Variants in ANKRD11 observed in about 807,000 individuals in gnomAD.
The protein encoded by ANKRD11 is ankyrin repeat domain 11.
ANKRD11 carries 17 observed loss-of-function variants against 195.7 expected under a neutral mutation model. The observed-to-expected ratio is 0.09, with a 90% CI of 0.06 to 0.13. The LOEUF is 0.13. Among genes scored for constraint, ANKRD11 ranks in the 10% least tolerant of loss-of-function variants. The pLI, the probability that ANKRD11 is intolerant of heterozygous loss-of-function variation, is 1.00. For synonymous variants in ANKRD11, 1,953 were observed against 1,528.1 expected, an observed-to-expected ratio of 1.28 and a Z score of -6.49; for missense variants, 3,735 against 3,566.1, an observed-to-expected ratio of 1.05 and a Z score of -1.21.
intron 1 of ANKRD11, among the ~76,000 whole-genome samples, chr16:89,441,522 C>T (rs960081702): frequency 1.3e-5 from 2 of 152,038 alleles, no homozygotes; most frequent in African/African-American, 4.8e-5. Context: ...AATCCCAGCA[C>T]TTTGGGAGGC....
chr16:89,303,066 C>T (rs1160597433), intron 4 of ANKRD11, among the ~76,000 whole-genome samples: 2 of 152,228 alleles, frequency 1.3e-5, no homozygotes, highest in Admixed American at 6.5e-5. Context: ...ACGGCCACCA[C>T]AAAGAGACCT....
Position 89,291,848 on chromosome 16 carries a change from C to T in ANKRD11, c.227-665G>A, listed in dbSNP as rs1014511320. 56 of 1,085,392 alleles carry T rather than the reference C, an allele frequency of 5.2e-5. No homozygotes were observed. In the South Asian group the frequency reaches 5.3e-4, roughly 10 times the overall value. The allele number at this position is 1,085,392 out of a possible 1,614,324, so 67.2% of individuals were successfully genotyped here. ...TCGGCTGTTTCCACCTCAGCCTCCT[C>T]GTAACAAGCACACCCTGCACTCATC... On this transcript the variant is annotated intron_variant, in intron 4 of 12. Coordinates refer to ENST00000301030, the MANE Select transcript of ANKRD11 (RefSeq NM_013275.6). This position sits in a 1 kb window ranked among gnomAD's most constrained non-coding sequence, Gnocchi z 5.3.
chr16:89,355,433 G>A (rs559158191), intron 2 of ANKRD11, among the ~76,000 whole-genome samples: 1 of 152,308 alleles, frequency 6.6e-6, no homozygotes, highest in East Asian at 1.9e-4. Flanking sequence ...TCATCAGCCA[G>A]ACTGTTTGCC....
At position 89,291,301 on chromosome 16, in the gene ANKRD11, G is replaced by A; in HGVS notation, c.227-118C>T. On this transcript the variant is annotated intron_variant, in intron 4 of 12. Transcript: ENST00000301030. The surrounding 1 kb of genome is among the most constrained non-coding windows in gnomAD (Gnocchi z 5.3). ...CGTCCACCTGACAGCTGACAGAGCA[G>A]AAAGGAAGGTCTGTGTATGGGGAAA... 7.7e-7 allele frequency: 1 copy of A among 1,297,538 alleles called. No homozygotes were observed. The highest frequency in any genetic ancestry group is 1.9e-5 in the Admixed American group (1 of 51,660). 80.4% of individuals were successfully genotyped at this position (1,297,538 alleles called of 1,614,324 possible).
intron 2 of ANKRD11, 94 bp from the exon 3 acceptor site, chr16:89,317,172 A>G (rs2151919749): frequency 1.1e-6 from 1 of 895,838 alleles, no homozygotes; most frequent in African/African-American, 1.6e-5. Context: ...GTAACTAGTC[A>G]AGGCAGGCAG....
chr16:89,382,863 A>C (rs1003976150), intron 2 of ANKRD11, among the ~76,000 whole-genome samples: 6 of 151,848 alleles, frequency 4.0e-5, no homozygotes, highest in African/African-American at 1.5e-4. Flanking sequence ...TTTTTGAGAC[A>C]GAGTTTCACT....
At chr16:89,299,435 C>T (rs1391102072) in intron 4 of ANKRD11, 252 of 129,444 alleles carry the variant, frequency 1.9e-3, no homozygotes, top group East Asian at 0.018. Context: ...GTGTGGGATG[C>T]ATGGGGTCTG....
intron 2 of ANKRD11, among the ~76,000 whole-genome samples, chr16:89,411,962 C>T (rs2042126646): frequency 7.1e-6 from 1 of 139,962 alleles, no homozygotes; most frequent in African/African-American, 2.7e-5. Flanking sequence ...CCCCATCCCT[C>T]CCCTCAGCCA....
In ANKRD11 at chr16:89,280,820, G is replaced by C; in HGVS notation, c.5722C>G (p.Pro1908Ala). 1 of 1,602,850 alleles carries C rather than the reference G, an allele frequency of 6.2e-7. No individual in the cohort carries two copies. The highest frequency in any genetic ancestry group is 8.5e-7 in the Non-Finnish European group (1 of 1,171,502). The stretch of plus-strand genomic sequence containing the variant: ...TCCTCGGAGGTGTCCAGGTCCGGGG[G>C]AAGGGCCCCTTCGAGGGAAGGAACC... Reference protein sequence around the residue: ...LLVPSLEGALPPDLDTSEDQQ... With the variant: ...LLVPSLEGALAPDLDTSEDQQ... The change falls in exon 9 of 13, where the codon CCC (proline) becomes GCC (alanine). Residue 1908 changes from proline (P) to alanine (A), a missense_variant. Transcript: ENST00000301030.
Position 89,281,004 on chromosome 16 carries a change from C to T in ANKRD11, c.5538G>A (p.Leu1846=). The T allele has an allele frequency of 4.4e-6, 7 of 1,582,530 alleles. No homozygotes were observed. The highest frequency in any genetic ancestry group is 1.8e-5 in the Admixed American group (1 of 56,792). ...AGTCTGGGGAGTAGTACCCTGGCGA[C>T]AAGCAGGCAAACTTCTCCGCGGGAA... is the stretch of plus-strand genomic sequence containing the variant. The part of the protein sequence containing the change: ...PPVPAEKFAC[L]SPGYYSPDYG... Residue 1846 remains leucine, a synonymous_variant, in exon 9 of 13, where the codon TTG becomes TTA. Transcript: ENST00000301030. The surrounding 1 kb of genome is among the most constrained non-coding windows in gnomAD (Gnocchi z 5.5).
Position 89,359,970 on chromosome 16 carries a change from G to A in ANKRD11, c.-59-42892C>T, listed in dbSNP as rs376855964. 3.2e-4 allele frequency among the ~76,000 whole-genome samples: 49 copies of A among 151,250 alleles called. 1 individual carries two copies. Among genetic ancestry groups the A allele is most frequent in the African/African-American group, 1.1e-3 (47 of 41,164 alleles). ...AAGTAAACACATGTCGGCAGTGGGC[G>A]GGGGGGGAGGTTGTACGTGTTATTC... is the stretch of plus-strand genomic sequence containing the variant. On this transcript the variant is annotated intron_variant, in intron 2 of 12. Coordinates refer to ENST00000301030, the MANE Select transcript of ANKRD11 (RefSeq NM_013275.6).
At chr16:89,377,690 G>A (rs145442347) in intron 2 of ANKRD11, among the ~76,000 whole-genome samples, 18 of 152,208 alleles carry the variant, frequency 1.2e-4, no homozygotes, top group Non-Finnish European at 2.2e-4. Flanking sequence ...ACTCCCACCC[G>A]CTTTTAACTT....
Position 89,373,014 on chromosome 16 carries a change from G to C in ANKRD11, c.-60+45270C>G, listed in dbSNP as rs577730406. 3 of 152,324 alleles carry C rather than the reference G, an allele frequency of 2.0e-5. No homozygotes were observed. In the South Asian group the frequency reaches 6.2e-4, roughly 32 times the overall value. 9.4% of individuals were successfully genotyped at this position (152,324 alleles called of 1,614,324 possible). A position where few individuals can be genotyped will look rare whatever the true frequency, so the allele number is the denominator to read the frequency against. On this transcript the variant is annotated intron_variant, in intron 2 of 12. Transcript: ENST00000301030. ...AAGGCACAGCACCCACAGTACGTGC[G>C]TTCACTGCAAGGAAAGAATCTTCCA...
chr16:89,318,119 G>A (rs998833089), intron 2 of ANKRD11, among the ~76,000 whole-genome samples: 2 of 152,232 alleles, frequency 1.3e-5, no homozygotes, highest in African/African-American at 2.4e-5. Context: ...CCCCCGTGGT[G>A]TGAGGCTGCC....
intron 1 of ANKRD11, among the ~76,000 whole-genome samples, chr16:89,447,303 C>T (rs1174689323): frequency 6.6e-6 from 1 of 152,162 alleles, no homozygotes; most frequent in Non-Finnish European, 1.5e-5. Context: ...CCCTCTCTTC[C>T]CTATCCAGCG....
intron 2 of ANKRD11, among the ~76,000 whole-genome samples, chr16:89,389,891 G>A (rs1597248655): frequency 1.5e-5 from 2 of 133,776 alleles, no homozygotes; most frequent in Non-Finnish European, 1.6e-5. Context: ...ACCGAGTGTG[G>A]CGGGGAGCAC....
At chr16:89,456,857 G>C (rs539381918) in intron 1 of ANKRD11, among the ~76,000 whole-genome samples, 1 of 152,242 alleles carries the variant, frequency 6.6e-6, no homozygotes, top group East Asian at 1.9e-4. Flanking sequence ...TCCTGGAATA[G>C]ACATAATGGT....
rs2034158328 is a variant in ANKRD11 at position 89,280,811 on chromosome 16, G to A, written c.5731C>T (p.Leu1911=). The change falls in exon 9 of 13, where the codon CTG becomes TTG. Residue 1911 remains leucine (L), a synonymous_variant. Coordinates refer to ENST00000301030, the MANE Select transcript of ANKRD11 (RefSeq NM_013275.6). ...PSLEGALPPD[L]DTSEDQQATA... ...GCCTGCTGGTCCTCGGAGGTGTCCA[G>A]GTCCGGGGGAAGGGCCCCTTCGAGG... 6.2e-7 allele frequency: 1 copy of A among 1,604,848 alleles called. No homozygotes were observed. Among genetic ancestry groups the A allele is most frequent in the Non-Finnish European group, 8.5e-7 (1 of 1,172,938 alleles).
At chr16:89,395,519 G>T (rs2041388520) in intron 2 of ANKRD11, among the ~76,000 whole-genome samples, 1 of 152,226 alleles carries the variant, frequency 6.6e-6, no homozygotes, top group South Asian at 2.1e-4. Context: ...CACCCGAACG[G>T]GGAACCGAAT....
Sources: gnomAD v4.1 joint callset for allele counts (sites outside exome capture counted in the v4.1 genomes callset) on GRCh38, gnomAD v4.1.1 for gene constraint, Gnocchi (gnomAD v3.1) non-coding constraint, MANE v1.5 for transcripts, NCBI Gene and HGNC (gene_info 2026-07-23, HGNC 2026-07-21) for gene names.